The following CADPS2 variants were observed in gnomAD, a reference collection of about 807,000 sequenced individuals.
The protein encoded by CADPS2 is calcium dependent secretion activator 2.
Under a neutral mutation model 172.5 loss-of-function variants are expected in CADPS2, and 93 were observed. That is an observed-to-expected ratio of 0.54 (90% CI 0.46 to 0.64). The LOEUF (loss-of-function observed/expected upper bound fraction) is 0.64. Among genes scored for constraint, CADPS2 ranks in the 30% least tolerant of loss-of-function variants. The pLI is 0.00. For synonymous variants in CADPS2, 546 were observed against 555.2 expected, an observed-to-expected ratio of 0.98 and a Z score of 0.23; for missense variants, 1,420 against 1,565.9, an observed-to-expected ratio of 0.91 and a Z score of 1.57.
At chr7:122,447,543 ATTTTTTTTTT>A (rs1159112244) in intron 15 of CADPS2, among the ~76,000 whole-genome samples, 1,038 of 89,818 alleles carry the variant, frequency 0.012, 54 homozygotes, top group Middle Eastern at 0.048. Context: ...GTTTCGGGGA[ATTTTTTTTTT>A]TTTTTTTTTT....
chr7:122,375,373 C>T (rs1043703555), intron 25 of CADPS2, among the ~76,000 whole-genome samples: 21 of 152,052 alleles, frequency 1.4e-4, no homozygotes, highest in African/African-American at 4.1e-4. Context: ...ATGTAAACAA[C>T]GTTACTGGCA....
chr7:122,805,497 T>G (rs982272), intron 1 of CADPS2, among the ~76,000 whole-genome samples: 30,263 of 152,110 alleles, frequency 0.2, 3,118 homozygotes, highest in Middle Eastern at 0.3. Flanking sequence ...ATATTTTAGA[T>G]AGTTTAGGTC....
At chr7:122,393,910 C>T (rs994594265) in intron 20 of CADPS2, among the ~76,000 whole-genome samples, 5 of 152,048 alleles carry the variant, frequency 3.3e-5, no homozygotes, top group Non-Finnish European at 7.4e-5. Context: ...GCTGCCAGCT[C>T]CCCTGAAGGT....
chr7:122,354,262 C>A (rs371532428), intron 27 of CADPS2: 1 of 152,084 alleles, frequency 6.6e-6, no homozygotes, highest in East Asian at 1.9e-4. Flanking sequence ...ATTCTAGGAA[C>A]TGTGAAAACT....
At chr7:122,790,364 ATGACAGCCAAGG>A (rs1303832192) in intron 1 of CADPS2, among the ~76,000 whole-genome samples, 1 of 150,888 alleles carries the variant, frequency 6.6e-6, no homozygotes, top group Non-Finnish European at 1.5e-5. Flanking sequence ...GCGTCACTGC[ATGACAGCCAAGG>A]GGACAGCCAG....
At chr7:122,826,572 TAGAA>T (rs145885025) in intron 1 of CADPS2, among the ~76,000 whole-genome samples, 2,502 of 151,222 alleles carry the variant, frequency 0.017, 66 homozygotes, top group African/African-American at 0.057. Context: ...GAATATAAAA[TAGAA>T]AGCCTCAGCA....
chr7:122,470,532 T>G, intron 14 of CADPS2, among the ~76,000 whole-genome samples: 1 of 152,100 alleles, frequency 6.6e-6, no homozygotes, highest in East Asian at 1.9e-4. Flanking sequence ...GCCTGTTCTG[T>G]TACCTAGGCT....
At chr7:122,566,570 A>G (rs765699438) in intron 7 of CADPS2, among the ~76,000 whole-genome samples, 1 of 152,148 alleles carries the variant, frequency 6.6e-6, no homozygotes, top group Non-Finnish European at 1.5e-5. Flanking sequence ...GTGACTTTGA[A>G]TAGCTCTGAG....
chr7:122,619,180 G>A (rs1195172884), intron 5 of CADPS2, among the ~76,000 whole-genome samples: 3 of 151,914 alleles, frequency 2.0e-5, no homozygotes, highest in Non-Finnish European at 2.9e-5. Context: ...TTCATAAGAA[G>A]TTAATTATTA....
At chr7:122,656,231 T>C (rs189697776) in intron 3 of CADPS2, among the ~76,000 whole-genome samples, 6 of 152,132 alleles carry the variant, frequency 3.9e-5, no homozygotes, top group African/African-American at 7.2e-5. Context: ...AAAGTTCTAA[T>C]AGTGAGGATC....
intron 2 of CADPS2, among the ~76,000 whole-genome samples, chr7:122,671,172 T>C (rs1178040306): frequency 6.6e-6 from 1 of 152,168 alleles, no homozygotes; most frequent in Non-Finnish European, 1.5e-5. Context: ...AAAATTTAAT[T>C]CTTATCTCTT....
intron 1 of CADPS2, among the ~76,000 whole-genome samples, chr7:122,829,448 T>C (rs1805852620): frequency 6.6e-6 from 1 of 152,170 alleles, no homozygotes; most frequent in South Asian, 2.1e-4. Context: ...GTCTTATATA[T>C]AGGTAATTAT....
intron 1 of CADPS2, among the ~76,000 whole-genome samples, chr7:122,848,179 T>C (rs1381627784): frequency 6.6e-6 from 1 of 152,218 alleles, no homozygotes; most frequent in Non-Finnish European, 1.5e-5. Context: ...ATGTCTCTGA[T>C]AAAAGCAATG....
chr7:122,701,662 A>T, intron 2 of CADPS2: 1 of 439,840 alleles, frequency 2.3e-6, no homozygotes, highest in South Asian at 6.6e-5. Context: ...AAGAAGTTCA[A>T]ATAGCTGGGC....
intron 8 of CADPS2, among the ~76,000 whole-genome samples, chr7:122,538,726 C>T: frequency 6.6e-6 from 1 of 151,958 alleles, no homozygotes; most frequent in East Asian, 1.9e-4. Flanking sequence ...TCTTGAAATA[C>T]TTAGTGAAAT....
At chr7:122,354,704 T>C (rs1463264131) in intron 27 of CADPS2, among the ~76,000 whole-genome samples, 1 of 152,174 alleles carries the variant, frequency 6.6e-6, no homozygotes, top group Non-Finnish European at 1.5e-5. Flanking sequence ...AGATCTGAGT[T>C]CCCTTCTAAG....
chr7:122,575,703 T>G (rs1241361682), intron 7 of CADPS2, among the ~76,000 whole-genome samples: 1 of 152,192 alleles, frequency 6.6e-6, no homozygotes, highest in South Asian at 2.1e-4. Context: ...TCCCAAAGTG[T>G]TGGGATTACA....
At chr7:122,673,321 A>C (rs2082059120) in intron 2 of CADPS2, among the ~76,000 whole-genome samples, 1 of 152,188 alleles carries the variant, frequency 6.6e-6, no homozygotes, top group African/African-American at 2.4e-5. Flanking sequence ...AGATTGGTCC[A>C]TTTTACAGAG....
intron 17 of CADPS2, among the ~76,000 whole-genome samples, chr7:122,427,604 G>A (rs2049329937): frequency 6.6e-6 from 1 of 152,026 alleles, no homozygotes; most frequent in Non-Finnish European, 1.5e-5. Flanking sequence ...CCACTGATTT[G>A]TCTCCCATGT....
Sources: gnomAD v4.1 joint callset for allele counts (sites outside exome capture counted in the v4.1 genomes callset) on GRCh38, gnomAD v4.1.1 for gene constraint, MANE v1.5 for transcripts, NCBI Gene and HGNC (gene_info 2026-07-23, HGNC 2026-07-21) for gene names.